The following CA10 variants were observed in gnomAD, a reference collection of about 807,000 sequenced individuals.
CA10 encodes carbonic anhydrase-related protein 10.
In CA10, 14 loss-of-function variants were observed where a neutral mutation model predicts 44.2. The observed-to-expected ratio is 0.32, with a 90% CI of 0.21 to 0.50. CA10 has a LOEUF of 0.50. Among genes scored for constraint, CA10 ranks in the 20% least tolerant of loss-of-function variants. The probability of loss-of-function intolerance (pLI) is 0.99; values close to 1 mark genes in which losing one functional copy is unlikely to be tolerated. For missense variants in CA10, 350 were observed against 409.7 expected, an observed-to-expected ratio of 0.85 and a Z score of 1.26; for synonymous variants, 159 against 141.6, an observed-to-expected ratio of 1.12 and a Z score of -0.87.
intron 1 of CA10, among the ~76,000 whole-genome samples, chr17:52,128,666 T>G (rs193232401): frequency 6.9e-4 from 105 of 152,334 alleles, no homozygotes; most frequent in African/African-American, 2.0e-3. Context: ...AGAATTAATT[T>G]GCCTTAATTG....
intron 2 of CA10, among the ~76,000 whole-genome samples, chr17:52,026,256 G>T (rs1986297609): frequency 6.6e-6 from 1 of 152,168 alleles, no homozygotes; most frequent in Non-Finnish European, 1.5e-5. Flanking sequence ...AGTGAGTTGT[G>T]CAATAAATGT....
intron 1 of CA10, among the ~76,000 whole-genome samples, chr17:52,133,255 C>G (rs1317843019): frequency 6.6e-6 from 1 of 152,178 alleles, no homozygotes; most frequent in East Asian, 1.9e-4. Context: ...CTTGGAGCCT[C>G]CAGCGCCCCA....
At chr17:51,820,534 G>A (rs71381353) in intron 3 of CA10, among the ~76,000 whole-genome samples, 4,775 of 151,334 alleles carry the variant, frequency 0.032, 102 homozygotes, top group Non-Finnish European at 0.052. Flanking sequence ...AATCTCTGAC[G>A]CACAAACCCA....
chr17:52,060,250 A>G (rs1987345422), intron 2 of CA10, among the ~76,000 whole-genome samples: 1 of 152,198 alleles, frequency 6.6e-6, no homozygotes, highest in Non-Finnish European at 1.5e-5. Flanking sequence ...GCTCACCAGT[A>G]TTTCTCAAAA....
intron 4 of CA10, among the ~76,000 whole-genome samples, chr17:51,712,240 T>C (rs1035741959): frequency 6.6e-6 from 1 of 152,202 alleles, no homozygotes; most frequent in Admixed American, 6.5e-5. Flanking sequence ...AAACACCCAC[T>C]GAAGATGAAG....
At chr17:51,804,326 C>T (rs568735198) in intron 3 of CA10, among the ~76,000 whole-genome samples, 2 of 152,122 alleles carry the variant, frequency 1.3e-5, no homozygotes, top group South Asian at 2.1e-4. Context: ...TATCACTGTC[C>T]GCATTTGTTT....
intron 2 of CA10, among the ~76,000 whole-genome samples, chr17:52,070,234 T>C (rs968724918): frequency 1.3e-5 from 2 of 152,218 alleles, no homozygotes; most frequent in African/African-American, 2.4e-5. Context: ...TTGTCCACTG[T>C]GTAGAAACCC....
intron 4 of CA10, among the ~76,000 whole-genome samples, chr17:51,654,319 C>G (rs570662318): frequency 6.6e-6 from 1 of 152,312 alleles, no homozygotes; most frequent in South Asian, 2.1e-4. Context: ...GATCAGTCCA[C>G]CTGTTGAGCC....
intron 2 of CA10, among the ~76,000 whole-genome samples, chr17:52,063,481 G>A (rs1217553884): frequency 2.6e-5 from 4 of 152,118 alleles, no homozygotes; most frequent in Non-Finnish European, 5.9e-5. Context: ...TTGCAGGTGG[G>A]GTCTAATGAG....
intron 3 of CA10, among the ~76,000 whole-genome samples, chr17:51,758,016 G>T (rs1326009814): frequency 6.6e-6 from 1 of 152,182 alleles, no homozygotes; most frequent in Non-Finnish European, 1.5e-5. Flanking sequence ...CCATTGGTGG[G>T]ATTGGGTAGG....
At chr17:52,107,768 T>C (rs1988692127) in intron 1 of CA10, among the ~76,000 whole-genome samples, 1 of 152,198 alleles carries the variant, frequency 6.6e-6, no homozygotes, top group Non-Finnish European at 1.5e-5. Context: ...GCTTCCATCA[T>C]TTTGGTGGAT....
At chr17:52,119,182 C>T (rs1386425112) in intron 1 of CA10, among the ~76,000 whole-genome samples, 1 of 147,198 alleles carries the variant, frequency 6.8e-6, no homozygotes, top group East Asian at 2.2e-4. Flanking sequence ...ATTTGTTTCT[C>T]TTTGCCTGGT....
chr17:51,915,894 G>A (rs533612187), intron 3 of CA10, among the ~76,000 whole-genome samples: 3 of 151,496 alleles, frequency 2.0e-5, no homozygotes, highest in East Asian at 3.9e-4. Context: ...GTAATACGTC[G>A]AATTGATTGA....
chr17:51,794,600 TTA>T (rs1368097820), intron 3 of CA10, among the ~76,000 whole-genome samples: 1 of 152,240 alleles, frequency 6.6e-6, no homozygotes. Context: ...GTATCATGTG[TTA>T]TATATCTATA....
chr17:51,967,647 A>G (rs1361153248), intron 2 of CA10, among the ~76,000 whole-genome samples: 1 of 151,704 alleles, frequency 6.6e-6, no homozygotes, highest in Non-Finnish European at 1.5e-5. Flanking sequence ...TTGGGTATTT[A>G]TTGACATAAA....
At chr17:51,798,247 G>T (rs934369719) in intron 3 of CA10, among the ~76,000 whole-genome samples, 4 of 152,154 alleles carry the variant, frequency 2.6e-5, no homozygotes, top group Admixed American at 6.5e-5. Flanking sequence ...AGAAGCTCAG[G>T]TTCCTTCTAC....
Position 51,666,417 on chromosome 17 carries a change from T to C in CA10, c.466-12681A>G, listed in dbSNP as rs117816959. 6.6e-3 allele frequency among the ~76,000 whole-genome samples: 999 copies of C among 152,192 alleles called. 4 individuals carry two copies. The highest frequency in any genetic ancestry group is 0.01 in the Non-Finnish European group (706 of 68,016). On this transcript the variant is annotated intron_variant, in intron 4 of 8. Transcript: ENST00000451037. Reference sequence around the variant, plus strand: ...CAAAGTTTGAAGATGGAGAAGGGGGTTGTACGTGCAGGGGTAGGGAATGTT... The same window carrying C: ...CAAAGTTTGAAGATGGAGAAGGGGGCTGTACGTGCAGGGGTAGGGAATGTT...
chr17:52,102,359 G>A (rs1297816475), intron 1 of CA10, among the ~76,000 whole-genome samples: 2 of 152,166 alleles, frequency 1.3e-5, no homozygotes, highest in East Asian at 1.9e-4. Context: ...TCAAGCAAAT[G>A]CAATGTTGTT....
intron 2 of CA10, among the ~76,000 whole-genome samples, chr17:51,994,200 C>A (rs1228110408): frequency 6.6e-6 from 1 of 151,960 alleles, no homozygotes; most frequent in African/African-American, 2.4e-5. Context: ...TTGCATGTAG[C>A]CCCATGGTCC....
Sources: gnomAD v4.1 joint callset for allele counts (sites outside exome capture counted in the v4.1 genomes callset) on GRCh38, gnomAD v4.1.1 for gene constraint, MANE v1.5 for transcripts, NCBI Gene and HGNC (gene_info 2026-07-23, HGNC 2026-07-21) for gene names.